LPGAT1: variants seen among roughly 807,000 people sequenced by gnomAD.
LPGAT1 encodes the protein lysophosphatidylglycerol acyltransferase 1.
LPGAT1 carries 11 observed loss-of-function variants against 47.5 expected under a neutral mutation model. That is an observed-to-expected ratio of 0.23 (90% CI 0.15 to 0.38). LPGAT1 has a LOEUF of 0.38. LPGAT1 is among the 10% of genes least tolerant of loss of function. The probability of loss-of-function intolerance (pLI) is 1.00; values close to 1 mark genes in which losing one functional copy is unlikely to be tolerated. For synonymous variants in LPGAT1, 138 were observed against 144.2 expected, an observed-to-expected ratio of 0.96 and a Z score of 0.31; for missense variants, 293 against 439.0, an observed-to-expected ratio of 0.67 and a Z score of 2.97.
At chr1:211,752,483 T>A (rs1657237868) in intron 6 of LPGAT1, among the ~76,000 whole-genome samples, 1 of 152,196 alleles carries the variant, frequency 6.6e-6, no homozygotes, top group Non-Finnish European at 1.5e-5. Context: ...GTTCTGTAAA[T>A]GACTAGGAGA....
At chr1:211,786,369 T>C (rs1658878475) in intron 4 of LPGAT1, among the ~76,000 whole-genome samples, 1 of 150,652 alleles carries the variant, frequency 6.6e-6, no homozygotes, top group Non-Finnish European at 1.5e-5. Flanking sequence ...GATTCACCAA[T>C]TATTCATTAA....
At chr1:211,829,455 T>A in intron 1 of LPGAT1, 132 bp from the exon 2 acceptor site, 1 of 1,450,314 alleles carries the variant, frequency 6.9e-7, no homozygotes, top group Non-Finnish European at 9.0e-7. Flanking sequence ...AGTACCTCGG[T>A]GATCTCTCAG....
chr1:211,767,320 G>A (rs747222654), intron 6 of LPGAT1, among the ~76,000 whole-genome samples: 53 of 151,914 alleles, frequency 3.5e-4, no homozygotes, highest in Non-Finnish European at 6.3e-4. Flanking sequence ...TTTTTTAGTA[G>A]AGATGAGATT....
chr1:211,823,983 T>C, intron 2 of LPGAT1, among the ~76,000 whole-genome samples: 1 of 151,644 alleles, frequency 6.6e-6, no homozygotes, highest in Non-Finnish European at 1.5e-5. Flanking sequence ...TTTTAAGAGA[T>C]TATATATATT....
intron 2 of LPGAT1, among the ~76,000 whole-genome samples, chr1:211,803,999 T>C (rs1659668017): frequency 6.6e-6 from 1 of 152,212 alleles, no homozygotes; most frequent in Admixed American, 6.5e-5. Flanking sequence ...CCTCAGGTGA[T>C]CTGCCTGCCT....
chr1:211,787,827 T>G, intron 3 of LPGAT1, 100 bp from the exon 4 acceptor site: 1 of 657,134 alleles, frequency 1.5e-6, no homozygotes, highest in African/African-American at 1.8e-5. Flanking sequence ...AAGCATACTT[T>G]TAATTAACCA....
chr1:211,799,160 T>C (rs1215046707), intron 2 of LPGAT1, among the ~76,000 whole-genome samples: 2 of 152,118 alleles, frequency 1.3e-5, no homozygotes, highest in Non-Finnish European at 2.9e-5. Flanking sequence ...CAGTGTCCCT[T>C]TGACTCTTAA....
In LPGAT1 at chr1:211,745,638, C is replaced by G. The variant is rs1656912771; in HGVS notation, c.*4261G>C. Reference sequence around the variant, plus strand: ...TTATCTTCCATGTGGCTACAGTCACCCTTCCCCAACAGTTCAGCACCCTCA... The same window carrying G: ...TTATCTTCCATGTGGCTACAGTCACGCTTCCCCAACAGTTCAGCACCCTCA... On this transcript the variant is annotated 3_prime_UTR_variant, in exon 8 of 8. Coordinates refer to ENST00000366997, the MANE Select transcript of LPGAT1 (RefSeq NM_014873.3). 6.6e-6 allele frequency: 1 copy of G among 152,586 alleles called. No individual in the cohort carries two copies. The highest frequency in any genetic ancestry group is 2.4e-5 in the African/African-American group (1 of 41,436). The allele number at this position is 152,586 out of a possible 1,614,324, so 9.5% of individuals were successfully genotyped here. A position where few individuals can be genotyped will look rare whatever the true frequency, so the allele number is the denominator to read the frequency against.
At chr1:211,789,869 C>CAAAAAAAA (rs10651480) in intron 3 of LPGAT1, among the ~76,000 whole-genome samples, 1 of 138,486 alleles carries the variant, frequency 7.2e-6, no homozygotes. Context: ...GACTCTGTCT[C>CAAAAAAAA]AAAAAAAAAA....
At chr1:211,766,308 C>T (rs1657911261) in intron 6 of LPGAT1, among the ~76,000 whole-genome samples, 1 of 152,174 alleles carries the variant, frequency 6.6e-6, no homozygotes, top group South Asian at 2.1e-4. Context: ...GACTTCTCAG[C>T]AGCCATAATC....
chr1:211,782,325 C>T (rs1219199407), intron 5 of LPGAT1, among the ~76,000 whole-genome samples: 3 of 152,124 alleles, frequency 2.0e-5, no homozygotes, highest in Admixed American at 1.3e-4. Context: ...AACTTCTTTG[C>T]CTGCATTTCA....
intron 2 of LPGAT1, among the ~76,000 whole-genome samples, chr1:211,811,807 C>CTAA (rs1660000832): frequency 1.1e-5 from 1 of 94,300 alleles, no homozygotes; most frequent in Admixed American, 9.3e-5. Flanking sequence ...GAGACTCTGC[C>CTAA]ATCCCGCCAC....
At chr1:211,774,352 G>C (rs572348165) in intron 6 of LPGAT1, among the ~76,000 whole-genome samples, 22 of 151,958 alleles carry the variant, frequency 1.4e-4, no homozygotes, top group African/African-American at 5.1e-4. Context: ...CCGGCCTCAA[G>C]TGATCTGCCC....
intron 2 of LPGAT1, among the ~76,000 whole-genome samples, chr1:211,800,689 AG>A (rs1659542084): frequency 6.6e-6 from 1 of 152,218 alleles, no homozygotes; most frequent in African/African-American, 2.4e-5. Flanking sequence ...ACAATCCAAA[AG>A]GTAATTCCAA....
chr1:211,755,073 C>A (rs1433018161), intron 6 of LPGAT1, among the ~76,000 whole-genome samples: 3 of 143,840 alleles, frequency 2.1e-5, no homozygotes, highest in Non-Finnish European at 3.0e-5. Flanking sequence ...CGAGGTGGCT[C>A]ACGCCTATAA....
At chr1:211,829,953 A>G in intron 1 of LPGAT1, 1 of 985,412 alleles carries the variant, frequency 1.0e-6, no homozygotes. Context: ...ATAATGCGAA[A>G]AAGAGGAAGG....
chr1:211,828,009 T>A (rs1272800979), intron 2 of LPGAT1, among the ~76,000 whole-genome samples: 1 of 152,170 alleles, frequency 6.6e-6, no homozygotes. Context: ...GTCCTTCTCT[T>A]GCGTGTGTGG....
At chr1:211,806,532 T>C (rs895622211) in intron 2 of LPGAT1, among the ~76,000 whole-genome samples, 2 of 152,008 alleles carry the variant, frequency 1.3e-5, no homozygotes, top group African/African-American at 4.8e-5. Context: ...AGGGATGGGA[T>C]GGAGGAAGGG....
Position 211,748,244 on chromosome 1 carries a change from C to T in LPGAT1, c.*1655G>A, listed in dbSNP as rs765409232. On this transcript the variant is annotated 3_prime_UTR_variant, in exon 8 of 8. Coordinates refer to ENST00000366997, the MANE Select transcript of LPGAT1 (RefSeq NM_014873.3). ...TAGGATCTTAATAGTCTTACAATCCCAAACAAAAACCCTACTCATCTCACT... is the reference window on the plus strand; with the variant it reads ...TAGGATCTTAATAGTCTTACAATCCTAAACAAAAACCCTACTCATCTCACT... 4 of 152,602 alleles carry T rather than the reference C, an allele frequency of 2.6e-5. No individual in the cohort carries two copies. Among genetic ancestry groups the T allele is most frequent in the Non-Finnish European group, 5.9e-5 (4 of 68,042 alleles). The allele number at this position is 152,602 out of a possible 1,614,324, so 9.5% of individuals were successfully genotyped here.
Sources: gnomAD v4.1 joint callset for allele counts (sites outside exome capture counted in the v4.1 genomes callset) on GRCh38, gnomAD v4.1.1 for gene constraint, MANE v1.5 for transcripts, NCBI Gene and HGNC (gene_info 2026-07-23, HGNC 2026-07-21) for gene names.